The following FANCA variants were observed in gnomAD, a reference collection of about 807,000 sequenced individuals.
FANCA encodes FA complementation group A.
FANCA carries 236 observed loss-of-function variants against 194.3 expected under a neutral mutation model. The ratio of observed to expected loss-of-function variants is 1.21; its 90% CI spans 1.09 to 1.35. The LOEUF is 1.35. Ranked by LOEUF, FANCA falls within the 40% of genes most tolerant of loss-of-function variation. FANCA has a pLI of 0.00. For synonymous variants in FANCA, 1,014 were observed against 715.8 expected, an observed-to-expected ratio of 1.42 and a Z score of -6.65; for missense variants, 2,628 against 1,813.9, an observed-to-expected ratio of 1.45 and a Z score of -8.15.
In FANCA at chr16:89,742,893, C is replaced by T. The variant is rs2143062233; in HGVS notation, c.3672G>A (p.Trp1224Ter). Residue 1224 changes from tryptophan to a stop codon, truncating the protein, a stop_gained, in exon 37 of 43, where the codon TGG (tryptophan) becomes TGA (stop). Coordinates refer to ENST00000389301, the MANE Select transcript of FANCA (RefSeq NM_000135.4). LOFTEE classifies it high-confidence loss of function. ...EAASPAPNPD[W>*]LSAAALHFAI... ...CAAAGTGCAGTGCAGCAGCTGAGAG[C>T]CAGTCCGGGTTGGGTGCTGGGGAGG... 1.2e-6 allele frequency: 2 copies of T among 1,614,110 alleles called. No homozygotes were observed. The highest frequency in any genetic ancestry group is 1.7e-6 in the Non-Finnish European group (2 of 1,180,026).
In FANCA at chr16:89,792,429, C is replaced by T. The variant is rs372194883; in HGVS notation, c.1083+42G>A. The T allele has an allele frequency of 1.0e-4, 158 of 1,585,820 alleles. No homozygotes were observed. In the African/African-American group the frequency reaches 1.4e-3, roughly 14 times the overall value. On this transcript the variant is annotated intron_variant, in intron 12 of 42. Transcript: ENST00000389301. Reference sequence around the variant, plus strand: ...AGTACTAGGCAGATCTTAATCCCCCCGCCACGAGCTCAGAAGCAGGTATAA... The same window carrying T: ...AGTACTAGGCAGATCTTAATCCCCCTGCCACGAGCTCAGAAGCAGGTATAA...
rs2038339478 is a variant in FANCA, at chr16:89,745,186, C to T, written c.3514-115G>A. 4.1e-6 allele frequency: 4 copies of T among 986,452 alleles called. No individual in the cohort carries two copies. The South Asian group carries it at 5.5e-5, about 14-fold the overall frequency. 61.1% of individuals were successfully genotyped at this position (986,452 alleles called of 1,614,324 possible). ...CAGGCCACTACAGGCCCACACTCGC[C>T]CTGCGCTCTGGAACTCCAAAGCCAG... On this transcript the variant is annotated intron_variant, in intron 35 of 42. Transcript: ENST00000389301.
chr16:89,767,328 A>C, intron 26 of FANCA, 91 bp from the exon 27 acceptor site: 3 of 925,568 alleles, frequency 3.2e-6, no homozygotes, highest in Non-Finnish European at 5.2e-6. Flanking sequence ...AACTGAATTT[A>C]GTGCATTCCG....
intron 14 of FANCA, among the ~76,000 whole-genome samples, chr16:89,789,689 T>G (rs2143511374): frequency 1.3e-5 from 2 of 152,198 alleles, no homozygotes; most frequent in East Asian, 3.9e-4. Flanking sequence ...TCCTCCTGCC[T>G]AGGCCTCCCA....
rs377428227 is a variant in FANCA at position 89,746,694 on chromosome 16, G to A, written c.3409-6C>T. Reference sequence around the variant, plus strand: ...AGACAGGCGTTCAGGAGGCCCTGCAGGAGAGAACGCAGCAGGAGGTCAGCG... The same window carrying A: ...AGACAGGCGTTCAGGAGGCCCTGCAAGAGAGAACGCAGCAGGAGGTCAGCG... On this transcript the variant is annotated splice_region_variant and splice_polypyrimidine_tract_variant and intron_variant, in intron 34 of 42. Coordinates refer to ENST00000389301, the MANE Select transcript of FANCA (RefSeq NM_000135.4). 1.4e-5 allele frequency: 22 copies of A among 1,613,656 alleles called. No individual in the cohort carries two copies. The highest frequency in any genetic ancestry group is 1.9e-5 in the Non-Finnish European group (22 of 1,179,726).
intron 37 of FANCA, 156 bp from the exon 38 acceptor site, chr16:89,741,022 G>A (rs2062120047): frequency 2.9e-6 from 2 of 693,824 alleles, no homozygotes; most frequent in African/African-American, 1.8e-5. Context: ...CTTCTAGAGA[G>A]ACAGCTTAAT....
In FANCA at chr16:89,791,653, A is replaced by G. The variant is rs36119226; in HGVS notation, c.1226-117T>C. The G allele has an allele frequency of 7.1e-6, 10 of 1,413,350 alleles. 1 individual carries two copies. In the African/African-American group the frequency reaches 1.1e-4, roughly 16 times the overall value. 87.6% of individuals were successfully genotyped at this position (1,413,350 alleles called of 1,614,324 possible). A position where few individuals can be genotyped will look rare whatever the true frequency, so the allele number is the denominator to read the frequency against. ...GGAGACTGTGCACACCCAAACACCA[A>G]GTTTTAAAAGACTACACAGCAATTA... On this transcript the variant is annotated intron_variant, in intron 13 of 42. Coordinates refer to ENST00000389301, the MANE Select transcript of FANCA (RefSeq NM_000135.4).
chr16:89,753,974 A>T (rs2038684675), intron 30 of FANCA, among the ~76,000 whole-genome samples: 1 of 152,238 alleles, frequency 6.6e-6, no homozygotes, highest in Non-Finnish European at 1.5e-5. Context: ...GAATTGCCTG[A>T]ACCTGGAAGG....
intron 26 of FANCA, among the ~76,000 whole-genome samples, chr16:89,767,940 C>T (rs1333186094): frequency 6.6e-6 from 1 of 152,132 alleles, no homozygotes; most frequent in Non-Finnish European, 1.5e-5. Flanking sequence ...CCCACCTCAG[C>T]CACTCAAAGT....
rs763769211 is a variant in FANCA, at chr16:89,764,952, C to T, written c.2716G>A (p.Ala906Thr). The T allele has an allele frequency of 1.2e-6, 2 of 1,614,234 alleles. No individual in the cohort carries two copies. Among genetic ancestry groups the T allele is most frequent in the East Asian group, 4.5e-5 (2 of 44,876 alleles). The change falls in exon 28 of 43, where the codon GCT becomes ACT. Residue 906 changes from alanine (A) to threonine (T), a missense_variant. Transcript: ENST00000389301. ...LHLPSADWQR[A>T]ALSLWTHRTF... ...CTGTGTGTCCAGAGAGAGAGGGCAGCTCTCTGCCAGTCTGCAGAAGGAAGG... is the reference window on the plus strand; with the variant it reads ...CTGTGTGTCCAGAGAGAGAGGGCAGTTCTCTGCCAGTCTGCAGAAGGAAGG...
chr16:89,769,078 C>T (rs908802980), intron 26 of FANCA, among the ~76,000 whole-genome samples: 8 of 152,320 alleles, frequency 5.3e-5, no homozygotes, highest in East Asian at 1.9e-4. Context: ...CCTTGCTCCA[C>T]GTACATTTCT....
intron 5 of FANCA, 110 bp downstream of exon 5, chr16:89,810,597 G>C: frequency 1.3e-6 from 1 of 795,742 alleles, no homozygotes; most frequent in South Asian, 1.4e-5. Flanking sequence ...TGTAATTAAT[G>C]AGAAGCTTGG....
rs148536585 is a variant in FANCA at position 89,780,284 on chromosome 16, A to G, written c.1627-327T>C. Among the ~76,000 whole-genome samples the G allele has an allele frequency of 3.9e-3, 595 of 152,218 alleles. 7 individuals are homozygous for G. The highest frequency in any genetic ancestry group is 0.014 in the African/African-American group (565 of 41,524). ...CTCCAGGAAAGAGTTGAAAGTAAAG[A>G]TTTCTAGGTGGGAAGGAGTAGAGAC... On this transcript the variant is annotated intron_variant, in intron 17 of 42. Transcript: ENST00000389301.
chr16:89,759,306 C>T (rs17226946), intron 29 of FANCA, among the ~76,000 whole-genome samples: 3,090 of 83,322 alleles, frequency 0.037, 188 homozygotes, highest in African/African-American at 0.13. Context: ...GGCAACAGAG[C>T]GAGACTCCGT....
intron 3 of FANCA, among the ~76,000 whole-genome samples, chr16:89,811,888 G>A (rs1319555598): frequency 3.3e-5 from 5 of 151,644 alleles, no homozygotes; most frequent in South Asian, 2.1e-4. Flanking sequence ...GCGTCACTAC[G>A]CCCAGTTAAT....
intron 34 of FANCA, 71 bp from the exon 35 acceptor site, chr16:89,746,759 C>T (rs2038404660): frequency 6.9e-6 from 11 of 1,596,618 alleles, no homozygotes; most frequent in Non-Finnish European, 9.4e-6. Context: ...AAGGAACTCA[C>T]AGGAAGCTGA....
chr16:89,751,895 C>T (rs1249287131), intron 31 of FANCA, among the ~76,000 whole-genome samples: 1 of 152,012 alleles, frequency 6.6e-6, no homozygotes, highest in African/African-American at 2.4e-5. Flanking sequence ...CTCAGCCTCC[C>T]GAGTAGGTGG....
rs200650055 is a variant in FANCA, at chr16:89,756,605, G to A, written c.2981+1972C>T. ...ACTGTACCCCAGCCTGGGTGACAAA[G>A]AAAGACCCAGTTTCAAAATAAATAT... On this transcript the variant is annotated intron_variant, in intron 30 of 42. Coordinates refer to ENST00000389301, the MANE Select transcript of FANCA (RefSeq NM_000135.4). Among the ~76,000 whole-genome samples, 7 of 134,956 alleles carry A rather than the reference G, an allele frequency of 5.2e-5. No homozygotes were observed. In the South Asian group the frequency reaches 1.3e-3, roughly 25 times the overall value. The allele number at this position is 134,956 out of a possible 152,430, so 88.5% of individuals were successfully genotyped here.
chr16:89,791,913 G>C lies in FANCA; in HGVS notation c.1225+14C>G. 1 of 1,614,068 alleles carries C rather than the reference G, an allele frequency of 6.2e-7. No individual in the cohort carries two copies. Among genetic ancestry groups the C allele is most frequent in the Non-Finnish European group, 8.5e-7 (1 of 1,180,000 alleles). Reference sequence around the variant, plus strand: ...ACTCTTGACCAGCACCACCGGGCTCGCGTAAAAGCTCACCTTCAAGCAGCT... The same window carrying C: ...ACTCTTGACCAGCACCACCGGGCTCCCGTAAAAGCTCACCTTCAAGCAGCT... On this transcript the variant is annotated intron_variant, in intron 13 of 42. Transcript: ENST00000389301.
Sources: gnomAD v4.1 joint callset for allele counts (sites outside exome capture counted in the v4.1 genomes callset) on GRCh38, gnomAD v4.1.1 for gene constraint, MANE v1.5 for transcripts, NCBI Gene and HGNC (gene_info 2026-07-23, HGNC 2026-07-21) for gene names.